The following BMAL1 variants were observed in gnomAD, a reference collection of about 807,000 sequenced individuals.
BMAL1 encodes basic helix-loop-helix ARNT-like protein 1.
At chr11:13,378,816 C>T in the BMAL1 span, 1 of 217,906 alleles carries the variant, frequency 4.6e-6, no homozygotes, top group South Asian at 6.8e-5. Flanking sequence ...GATAGATGTA[C>T]CTTTACTTTA....
the BMAL1 span, among the ~76,000 whole-genome samples, chr11:13,384,636 C>T: frequency 5.3e-5 from 8 of 152,120 alleles, no homozygotes; most frequent in Non-Finnish European, 1.0e-4. Flanking sequence ...ATACTTGAAT[C>T]ACAAGACGTA....
At chr11:13,345,581 G>A in the BMAL1 span, among the ~76,000 whole-genome samples, 6 of 152,224 alleles carry the variant, frequency 3.9e-5, no homozygotes, top group South Asian at 2.1e-4. Flanking sequence ...ATTATACTTT[G>A]GGGGGTGGTT....
At chr11:13,330,906 G>A in the BMAL1 span, among the ~76,000 whole-genome samples, 1 of 152,220 alleles carries the variant, frequency 6.6e-6, no homozygotes, top group Non-Finnish European at 1.5e-5. Context: ...TAAACCCAGT[G>A]CTTTTTTGCC....
chr11:13,280,514 G>A, the BMAL1 span, among the ~76,000 whole-genome samples: 23 of 152,164 alleles, frequency 1.5e-4, no homozygotes, highest in Admixed American at 1.5e-3. Context: ...CTCTCACTGT[G>A]GTAGGAAAAT....
the BMAL1 span, chr11:13,386,843 A>G: frequency 6.7e-7 from 1 of 1,490,788 alleles, no homozygotes; most frequent in Non-Finnish European, 9.1e-7. Flanking sequence ...CTGGATAAGG[A>G]GAGAATAGCT....
At chr11:13,326,181 C>A in the BMAL1 span, among the ~76,000 whole-genome samples, 2 of 146,854 alleles carry the variant, frequency 1.4e-5, no homozygotes, top group African/African-American at 5.0e-5. Flanking sequence ...TCCAGCCTGG[C>A]AACAGAGCAA....
At chr11:13,294,031 A>G in the BMAL1 span, among the ~76,000 whole-genome samples, 1 of 152,198 alleles carries the variant, frequency 6.6e-6, no homozygotes, top group Non-Finnish European at 1.5e-5. Flanking sequence ...AAAGAGCTTA[A>G]TGTTTCTATC....
chr11:13,290,831 C>T, the BMAL1 span, among the ~76,000 whole-genome samples: 1 of 152,080 alleles, frequency 6.6e-6, no homozygotes, highest in African/African-American at 2.4e-5. Flanking sequence ...CTGCTATGTT[C>T]TTCTTTCTCT....
chr11:13,381,393 T>A, the BMAL1 span: 4 of 792,840 alleles, frequency 5.0e-6, no homozygotes, highest in Non-Finnish European at 8.3e-6. Flanking sequence ...TGCATCTGTG[T>A]GAGGCTGGAT....
the BMAL1 span, among the ~76,000 whole-genome samples, chr11:13,363,922 G>A: frequency 6.6e-6 from 1 of 152,172 alleles, no homozygotes; most frequent in African/African-American, 2.4e-5. Context: ...AATGTCCAGA[G>A]CCTCCCCTCG....
chr11:13,309,337 T>C, the BMAL1 span, among the ~76,000 whole-genome samples: 1 of 152,116 alleles, frequency 6.6e-6, no homozygotes, highest in Non-Finnish European at 1.5e-5. Context: ...GCCGGGCCAG[T>C]TGGTGCAGGC....
the BMAL1 span, chr11:13,358,646 C>T: frequency 6.9e-7 from 1 of 1,454,248 alleles, no homozygotes; most frequent in Non-Finnish European, 9.1e-7. Flanking sequence ...TGTTACCACC[C>T]TTGCCTAGAA....
the BMAL1 span, among the ~76,000 whole-genome samples, chr11:13,321,232 T>G: frequency 5.3e-5 from 8 of 151,952 alleles, no homozygotes; most frequent in African/African-American, 1.7e-4. Context: ...GTAGCTGGGG[T>G]TTTTTTTGCA....
At chr11:13,290,053 T>C in the BMAL1 span, among the ~76,000 whole-genome samples, 1 of 152,214 alleles carries the variant, frequency 6.6e-6, no homozygotes, top group African/African-American at 2.4e-5. Flanking sequence ...TGTTGTTTCC[T>C]GACTTTTTAA....
the BMAL1 span, among the ~76,000 whole-genome samples, chr11:13,307,254 G>A: frequency 4.0e-3 from 602 of 152,330 alleles, 5 homozygotes; most frequent in African/African-American, 0.014. Flanking sequence ...TTAAAGCAGG[G>A]GACTTGATCA....
chr11:13,379,760 G>A, the BMAL1 span: 1 of 152,252 alleles, frequency 6.6e-6, no homozygotes, highest in African/African-American at 2.4e-5. Context: ...GAGTGGGCAT[G>A]TGAGTGGCAA....
chr11:13,375,526 G>A, the BMAL1 span: 1 of 1,177,132 alleles, frequency 8.5e-7, no homozygotes, highest in East Asian at 2.7e-5. Context: ...TGGAGCTCAA[G>A]TACCTTTAAT....
the BMAL1 span, among the ~76,000 whole-genome samples, chr11:13,371,231 A>G: frequency 6.6e-6 from 1 of 152,076 alleles, no homozygotes; most frequent in African/African-American, 2.4e-5. Flanking sequence ...TCCACATTTA[A>G]TGTGTCCCAA....
At chr11:13,368,073 CTGT>C in the BMAL1 span, among the ~76,000 whole-genome samples, 1 of 152,212 alleles carries the variant, frequency 6.6e-6, no homozygotes, top group African/African-American at 2.4e-5. Flanking sequence ...ACTTTGGTAT[CTGT>C]TGTTCTTTAT....
Sources: allele counts gnomAD v4.1 joint callset (sites outside exome capture counted in the v4.1 genomes callset), GRCh38; gene constraint gnomAD v4.1.1; transcripts MANE v1.5; gene names NCBI Gene and HGNC (gene_info 2026-07-23, HGNC 2026-07-21).